Variants in FOXN3 observed in about 807,000 individuals in gnomAD.
FOXN3 encodes forkhead box N3, also known as forkhead box protein N3.
A neutral mutation model predicts 38.4 loss-of-function variants in FOXN3; 7 were observed. That is an observed-to-expected ratio of 0.18 (90% CI 0.10 to 0.34). FOXN3 has a LOEUF of 0.34. Ranked by LOEUF, FOXN3 falls within the 10% of genes least tolerant of loss-of-function variation. FOXN3 has a pLI of 1.00. For missense variants in FOXN3, 456 were observed against 613.4 expected, an observed-to-expected ratio of 0.74 and a Z score of 2.71; for synonymous variants, 230 against 242.2, an observed-to-expected ratio of 0.95 and a Z score of 0.47.
At chr14:89,414,171 G>A (rs950383386) in intron 1 of FOXN3, among the ~76,000 whole-genome samples, 115 of 152,058 alleles carry the variant, frequency 7.6e-4, no homozygotes, top group African/African-American at 2.7e-3. Context: ...ACAAAAATTC[G>A]CTAGGTGTGG....
chr14:89,454,872 G>A (rs905708133), intron 1 of FOXN3, among the ~76,000 whole-genome samples: 1 of 152,120 alleles, frequency 6.6e-6, no homozygotes, highest in Non-Finnish European at 1.5e-5. Flanking sequence ...CTAACCCAAG[G>A]TCATCCTTAT....
intron 1 of FOXN3, among the ~76,000 whole-genome samples, chr14:89,467,804 GTTTTTTTTTTTTT>G (rs68132432): frequency 1.8e-5 from 1 of 56,578 alleles, no homozygotes; most frequent in Non-Finnish European, 3.1e-5. Context: ...TTCTTTCTTT[GTTTTTTTTTTTTT>G]TTTTTTTTTT....
At chr14:89,434,430 G>A (rs953062285) in intron 1 of FOXN3, among the ~76,000 whole-genome samples, 3 of 152,000 alleles carry the variant, frequency 2.0e-5, no homozygotes, top group South Asian at 2.1e-4. Context: ...GTGTTTCACT[G>A]TGCTGGTCAA....
intron 5 of FOXN3, 111 bp downstream of exon 5, chr14:89,180,590 G>A (rs1204132129): frequency 5.9e-6 from 4 of 674,878 alleles, no homozygotes; most frequent in African/African-American, 5.5e-5. Flanking sequence ...CAGGTTTATT[G>A]CTGTCACTAG....
At chr14:89,349,442 T>C (rs1339335683) in intron 3 of FOXN3, 1 of 152,468 alleles carries the variant, frequency 6.6e-6, no homozygotes, top group East Asian at 1.9e-4. Flanking sequence ...AGTTGCTATG[T>C]AAGGTTATTT....
intron 1 of FOXN3, among the ~76,000 whole-genome samples, chr14:89,605,319 T>C (rs1016412413): frequency 6.6e-6 from 1 of 152,096 alleles, no homozygotes; most frequent in African/African-American, 2.4e-5. Context: ...CTTTGATAAG[T>C]ATGCATGTTA....
intron 2 of FOXN3, among the ~76,000 whole-genome samples, chr14:89,396,846 A>C (rs1433100186): frequency 6.6e-6 from 1 of 151,684 alleles, no homozygotes; most frequent in Non-Finnish European, 1.5e-5. Context: ...AAAAAAAAAA[A>C]AAAAACTTAA....
rs975580544 is a variant in FOXN3 at position 89,160,229 on chromosome 14, C to T, written c.*2185G>A. 3 of 117,250 alleles carry T rather than the reference C, an allele frequency of 2.6e-5. No homozygotes were observed. Among genetic ancestry groups the T allele is most frequent in the East Asian group, 5.9e-4 (2 of 3,374 alleles). The allele number at this position is 117,250 out of a possible 1,614,324, so 7.3% of individuals were successfully genotyped here. On this transcript the variant is annotated 3_prime_UTR_variant, in exon 6 of 6. Transcript: ENST00000557258. ...TCTTTGTACCCCCGCCCCCCGCCCCCGCCATTAAAGAAAATTTCTTAGGCA... is the reference window on the plus strand; with the variant it reads ...TCTTTGTACCCCCGCCCCCCGCCCCTGCCATTAAAGAAAATTTCTTAGGCA...
rs777225679 is a variant in FOXN3, at chr14:89,167,811, G to A, written c.852-4842C>T. Among the ~76,000 whole-genome samples the A allele has an allele frequency of 1.4e-4, 22 of 152,282 alleles. 1 individual carries two copies. Among genetic ancestry groups the A allele is most frequent in the Middle Eastern group, 3.4e-3 (1 of 294 alleles). Reference sequence around the variant, plus strand: ...GTGAGCAATCAGGCAACTAGGCAACGAAGAAAGCCAAAGTTTCTCTATAGC... The same window carrying A: ...GTGAGCAATCAGGCAACTAGGCAACAAAGAAAGCCAAAGTTTCTCTATAGC... On this transcript the variant is annotated intron_variant, in intron 5 of 5. Coordinates refer to ENST00000557258, the MANE Select transcript of FOXN3 (RefSeq NM_005197.4).
rs59949946 is a variant in FOXN3, at chr14:89,312,284, C to CAAAAAAAAAAAAAAAAAAAAAAAAAAAA, written c.681-31271_681-31270insTTTTTTTTTTTTTTTTTTTTTTTTTTTT. ...TGGGTGACAGAGCAAGACTCGGTCTCAAAAAAAAAAAAAAAAAGAAGCCAA... is the reference window on the plus strand; with the variant it reads ...TGGGTGACAGAGCAAGACTCGGTCTCAAAAAAAAAAAAAAAAAAAAAAAAAAAAAAAAAAAAAAAAAAAAAGAAGCCAA... On this transcript the variant is annotated intron_variant, in intron 3 of 5. Coordinates refer to ENST00000557258, the MANE Select transcript of FOXN3 (RefSeq NM_005197.4). Among the ~76,000 whole-genome samples the CAAAAAAAAAAAAAAAAAAAAAAAAAAAA allele has an allele frequency of 1.2e-3, 75 of 60,568 alleles. 2 individuals are homozygous for CAAAAAAAAAAAAAAAAAAAAAAAAAAAA. Among genetic ancestry groups the CAAAAAAAAAAAAAAAAAAAAAAAAAAAA allele is most frequent in the Non-Finnish European group, 1.6e-3 (58 of 35,534 alleles). 39.7% of individuals were successfully genotyped at this position (60,568 alleles called of 152,430 possible).
chr14:89,422,617 A>G (rs1327268429), intron 1 of FOXN3, among the ~76,000 whole-genome samples: 2 of 152,212 alleles, frequency 1.3e-5, no homozygotes, highest in African/African-American at 4.8e-5. Flanking sequence ...CGCTGTGGAA[A>G]AGAGACGGCG....
intron 4 of FOXN3, among the ~76,000 whole-genome samples, chr14:89,254,338 A>G (rs535810760): frequency 1.3e-5 from 2 of 152,278 alleles, no homozygotes; most frequent in East Asian, 1.9e-4. Flanking sequence ...CGTTTCCCCA[A>G]CAGAAGTCAG....
intron 1 of FOXN3, among the ~76,000 whole-genome samples, chr14:89,581,251 G>T (rs527914254): frequency 1.3e-5 from 2 of 152,014 alleles, no homozygotes; most frequent in Admixed American, 1.3e-4. Flanking sequence ...GGAGGCTGAG[G>T]GGGGAGTATC....
At chr14:89,503,049 C>T (rs1025434278) in intron 1 of FOXN3, among the ~76,000 whole-genome samples, 3 of 152,044 alleles carry the variant, frequency 2.0e-5, no homozygotes, top group Non-Finnish European at 4.4e-5. Flanking sequence ...CAGCCCCAAG[C>T]GGGAAGAAAA....
intron 2 of FOXN3, among the ~76,000 whole-genome samples, chr14:89,376,605 A>C (rs897234284): frequency 1.3e-5 from 2 of 152,194 alleles, no homozygotes; most frequent in African/African-American, 4.8e-5. Flanking sequence ...CTTCCAATGG[A>C]GAGATCAGCA....
chr14:89,401,748 G>C, intron 2 of FOXN3: 1 of 436,500 alleles, frequency 2.3e-6, no homozygotes. Context: ...ATCACTTATC[G>C]GTCCTGTCCC....
intron 1 of FOXN3, among the ~76,000 whole-genome samples, chr14:89,604,242 TGC>T (rs1214210178): frequency 7.5e-5 from 9 of 120,548 alleles, no homozygotes; most frequent in East Asian, 7.4e-4. Context: ...CACACACACG[TGC>T]GCGCACACAC....
chr14:89,542,541 C>G (rs1285750371), intron 1 of FOXN3, among the ~76,000 whole-genome samples: 1 of 152,192 alleles, frequency 6.6e-6, no homozygotes, highest in Non-Finnish European at 1.5e-5. Context: ...TCAAGTTCGT[C>G]ATTGCTTTTG....
intron 2 of FOXN3, among the ~76,000 whole-genome samples, chr14:89,360,586 A>AGAAAGGGAGAG (rs1889442673): frequency 7.1e-6 from 1 of 141,516 alleles, no homozygotes; most frequent in Admixed American, 7.0e-5. Flanking sequence ...GAGAAGAAGA[A>AGAAAGGGAGAG]AGGGAGAGAG....
Sources: allele counts gnomAD v4.1 joint callset (sites outside exome capture counted in the v4.1 genomes callset), GRCh38; gene constraint gnomAD v4.1.1; transcripts MANE v1.5; gene names NCBI Gene and HGNC (gene_info 2026-07-23, HGNC 2026-07-21).